Variants in SLC14A2 observed in about 807,000 individuals in gnomAD.
The protein encoded by SLC14A2 is urea transporter 2.
A neutral mutation model predicts 104.6 loss-of-function variants in SLC14A2; 91 were observed. That is an observed-to-expected ratio of 0.87 (90% CI 0.73 to 1.04). The LOEUF is 1.04. Among genes scored for constraint, SLC14A2 ranks in the 50% least tolerant of loss-of-function variants. The probability of loss-of-function intolerance (pLI) is 0.00; values close to 1 mark genes in which losing one functional copy is unlikely to be tolerated. For missense variants in SLC14A2, 1,189 were observed against 1,156.0 expected (o/e 1.03, Z -0.41); for synonymous variants, 476 against 466.4 (o/e 1.02, Z -0.27).
intron 1 of SLC14A2, among the ~76,000 whole-genome samples, chr18:45,403,338 A>G (rs2086116582): frequency 6.6e-6 from 1 of 152,206 alleles, no homozygotes; most frequent in East Asian, 1.9e-4. Context: ...GGGCTTCAAT[A>G]CAGGAATTTT....
At chr18:45,337,591 G>A (rs2085349337) in intron 1 of SLC14A2, among the ~76,000 whole-genome samples, 1 of 152,140 alleles carries the variant, frequency 6.6e-6, no homozygotes, top group East Asian at 1.9e-4. Flanking sequence ...GAAAGCAAGT[G>A]GGACATGCCT....
intron 1 of SLC14A2, among the ~76,000 whole-genome samples, chr18:45,464,583 A>G (rs1221964386): frequency 2.0e-5 from 3 of 152,212 alleles, no homozygotes; most frequent in East Asian, 3.9e-4. Context: ...GGAGAGGGCC[A>G]GTGCTGTGCG....
rs993589567 is a variant in SLC14A2, at chr18:45,370,229, C to T, written c.-124-113004C>T. Among the ~76,000 whole-genome samples the T allele has an allele frequency of 4.9e-4, 75 of 152,126 alleles. 1 individual carries two copies. The highest frequency in any genetic ancestry group is 1.6e-3 in the African/African-American group (68 of 41,418). On this transcript the variant is annotated intron_variant, in intron 1 of 20. Coordinates refer to the SLC14A2 transcript ENST00000586448. ...GAACACATGGGAGAACCCAGGGTGA[C>T]GAATGTCTAGCCCCCACTTCAACCA... is the stretch of plus-strand genomic sequence containing the variant.
intron 1 of SLC14A2, among the ~76,000 whole-genome samples, chr18:45,230,523 T>A (rs895907978): frequency 6.6e-6 from 1 of 152,198 alleles, no homozygotes; most frequent in Non-Finnish European, 1.5e-5. Context: ...GAAGGAGCTG[T>A]GGGATCAGAT....
chr18:45,442,792 T>C (rs926603674), intron 1 of SLC14A2, among the ~76,000 whole-genome samples: 16 of 152,240 alleles, frequency 1.1e-4, no homozygotes, highest in Admixed American at 3.9e-4. Flanking sequence ...ATCACTATTG[T>C]TATTGTTTGC....
rs116792300 is a variant in SLC14A2 at position 45,416,960 on chromosome 18, A to G, written c.-124-66273A>G. Among the ~76,000 whole-genome samples, 738 of 152,326 alleles carry G rather than the reference A, an allele frequency of 4.8e-3. 6 individuals are homozygous for G. Among genetic ancestry groups the G allele is most frequent in the African/African-American group, 0.017 (706 of 41,570 alleles). ...AAGGATCAGCGAGGTCCCAGTGCCT[A>G]TGGAGCACGTGTGTGTACACACATG... On this transcript the variant is annotated intron_variant, in intron 1 of 20. Coordinates refer to the SLC14A2 transcript ENST00000586448.
intron 2 of SLC14A2, among the ~76,000 whole-genome samples, chr18:45,593,249 G>A (rs897907299): frequency 6.6e-6 from 1 of 151,374 alleles, no homozygotes; most frequent in Non-Finnish European, 1.5e-5. Flanking sequence ...CCCGGGAGGC[G>A]GAGCTTGCAG....
chr18:45,487,997 AC>A (rs1322462217), intron 2 of SLC14A2, among the ~76,000 whole-genome samples: 1 of 152,202 alleles, frequency 6.6e-6, no homozygotes, highest in African/African-American at 2.4e-5. Flanking sequence ...GAATACCTGT[AC>A]CTAAGCTTCA....
chr18:45,185,237 T>TC, the SLC14A2 span, among the ~76,000 whole-genome samples: 295 of 152,258 alleles, frequency 1.9e-3, 1 homozygote, highest in Non-Finnish European at 3.7e-3. Flanking sequence ...GTCTCAAGGG[T>TC]CAAAGGATTG....
intron 1 of SLC14A2, among the ~76,000 whole-genome samples, chr18:45,269,450 C>G (rs1032238608): frequency 6.6e-6 from 1 of 151,962 alleles, no homozygotes; most frequent in Non-Finnish European, 1.5e-5. Flanking sequence ...CAGCCCCCAG[C>G]GTCACTGTCT....
At chr18:45,194,410 A>G in the SLC14A2 span, among the ~76,000 whole-genome samples, 2 of 152,080 alleles carry the variant, frequency 1.3e-5, no homozygotes, top group East Asian at 3.9e-4. Flanking sequence ...TAGATGTTAG[A>G]TTTTGTCAAA....
intron 1 of SLC14A2, among the ~76,000 whole-genome samples, chr18:45,435,757 T>C (rs1322508140): frequency 6.6e-6 from 1 of 152,192 alleles, no homozygotes; most frequent in Non-Finnish European, 1.5e-5. Context: ...AGAGCCTTAA[T>C]AACTAGGGTG....
intron 1 of SLC14A2, among the ~76,000 whole-genome samples, chr18:45,218,760 C>G (rs1237722019): frequency 2.0e-5 from 3 of 152,148 alleles, no homozygotes; most frequent in Non-Finnish European, 4.4e-5. Flanking sequence ...GTTCCTCGGA[C>G]TGCTCATCCT....
chr18:45,454,731 G>C (rs1373161107), intron 1 of SLC14A2, among the ~76,000 whole-genome samples: 4 of 152,160 alleles, frequency 2.6e-5, no homozygotes, highest in African/African-American at 9.7e-5. Context: ...TGGCTAGCCA[G>C]TTTTCCCAAT....
chr18:45,403,672 T>C (rs140925847), intron 1 of SLC14A2, among the ~76,000 whole-genome samples: 9 of 151,720 alleles, frequency 5.9e-5, no homozygotes, highest in African/African-American at 1.5e-4. Context: ...CCTGTAACTC[T>C]GGGGAAAAAA....
At chr18:45,509,677 T>G (rs62093096) in intron 2 of SLC14A2, among the ~76,000 whole-genome samples, 1 of 151,434 alleles carries the variant, frequency 6.6e-6, no homozygotes, top group African/African-American at 2.4e-5. Context: ...ACTCAAGTGG[T>G]CGCCACTCTG....
intron 1 of SLC14A2, among the ~76,000 whole-genome samples, chr18:45,253,200 T>C (rs1264993258): frequency 6.6e-6 from 1 of 152,200 alleles, no homozygotes; most frequent in Non-Finnish European, 1.5e-5. Flanking sequence ...ATTGCAATGA[T>C]TTCCCAGGTG....
chr18:45,389,188 G>T (rs925960053), intron 1 of SLC14A2, among the ~76,000 whole-genome samples: 1 of 152,212 alleles, frequency 6.6e-6, no homozygotes, highest in Non-Finnish European at 1.5e-5. Context: ...CAGCTATTGG[G>T]CTGGCTATGG....
intron 1 of SLC14A2, among the ~76,000 whole-genome samples, chr18:45,460,322 A>G (rs1313939352): frequency 6.6e-6 from 1 of 151,582 alleles, no homozygotes; most frequent in Non-Finnish European, 1.5e-5. Context: ...ACCCACCACC[A>G]CCTCCATGCT....
Sources: allele counts gnomAD v4.1 joint callset (sites outside exome capture counted in the v4.1 genomes callset), GRCh38; gene constraint gnomAD v4.1.1; transcripts MANE v1.5; gene names NCBI Gene and HGNC (gene_info 2026-07-23, HGNC 2026-07-21).